The following ADAMTSL1 variants were observed in gnomAD, a reference collection of about 807,000 sequenced individuals.
ADAMTSL1 encodes the protein ADAMTS-like protein 1.
In ADAMTSL1, 126 loss-of-function variants were observed where a neutral mutation model predicts 201.8. That is an observed-to-expected ratio of 0.62 (90% CI 0.54 to 0.72). The LOEUF (loss-of-function observed/expected upper bound fraction) is 0.72, where lower values mean the gene tolerates loss of function less well. Among genes scored for constraint, ADAMTSL1 ranks in the 30% least tolerant of loss-of-function variants. The probability of loss-of-function intolerance (pLI) is 0.00; values close to 1 mark genes in which losing one functional copy is unlikely to be tolerated. For missense variants in ADAMTSL1, 2,679 were observed against 2,277.8 expected (o/e 1.18, Z -3.59); for synonymous variants, 1,121 against 903.4 (o/e 1.24, Z -4.32).
chr9:17,939,232 A>G (rs896900590), intron 1 of ADAMTSL1, among the ~76,000 whole-genome samples: 1 of 151,918 alleles, frequency 6.6e-6, no homozygotes, highest in Admixed American at 6.6e-5. Flanking sequence ...TTTCTCTTGT[A>G]AACTATTTCT....
At chr9:18,844,713 T>G (rs1825976664) in intron 23 of ADAMTSL1, among the ~76,000 whole-genome samples, 1 of 152,246 alleles carries the variant, frequency 6.6e-6, no homozygotes, top group African/African-American at 2.4e-5. Flanking sequence ...TCCTGGCTGC[T>G]TTGTTTACCT....
chr9:18,408,820 CA>C (rs753819406), intron 2 of ADAMTSL1, among the ~76,000 whole-genome samples: 1 of 152,046 alleles, frequency 6.6e-6, no homozygotes, highest in African/African-American at 2.4e-5. Flanking sequence ...TAAGAGAAAA[CA>C]AGGAGTTGGA....
At chr9:18,759,159 C>A (rs1450316578) in intron 16 of ADAMTSL1, among the ~76,000 whole-genome samples, 1 of 152,142 alleles carries the variant, frequency 6.6e-6, no homozygotes, top group Non-Finnish European at 1.5e-5. Context: ...AAACAATTGC[C>A]ACAATCTCTG....
intron 2 of ADAMTSL1, among the ~76,000 whole-genome samples, chr9:18,511,599 A>C (rs1334035690): frequency 6.6e-6 from 1 of 152,134 alleles, no homozygotes; most frequent in Non-Finnish European, 1.5e-5. Flanking sequence ...AAGTAAAATA[A>C]ATAGCCCCAA....
upstream of ADAMTSL1, among the ~76,000 whole-genome samples, chr9:18,471,129 A>T (rs536022572): frequency 5.3e-5 from 8 of 152,322 alleles, no homozygotes; most frequent in Non-Finnish European, 8.8e-5. Context: ...GACACATAGA[A>T]GCTGGAGGCT....
intron 2 of ADAMTSL1, among the ~76,000 whole-genome samples, chr9:18,168,349 G>C (rs1241212936): frequency 2.6e-5 from 4 of 152,062 alleles, no homozygotes; most frequent in East Asian, 3.9e-4. Flanking sequence ...TTGCTAAATT[G>C]CCACCTATGA....
intron 2 of ADAMTSL1, among the ~76,000 whole-genome samples, chr9:18,331,262 T>C (rs1835016801): frequency 6.6e-6 from 1 of 152,176 alleles, no homozygotes; most frequent in African/African-American, 2.4e-5. Context: ...AGAAAGGTCT[T>C]TGATGCTATG....
intron 14 of ADAMTSL1, chr9:18,718,453 T>G: frequency 1.6e-6 from 1 of 611,872 alleles, no homozygotes; most frequent in South Asian, 1.4e-5. Context: ...CAAAAATTCC[T>G]TGAACAAATT....
chr9:18,468,490 T>A (rs1490432225), intron 2 of ADAMTSL1, among the ~76,000 whole-genome samples: 1 of 152,138 alleles, frequency 6.6e-6, no homozygotes, highest in Non-Finnish European at 1.5e-5. Flanking sequence ...TATTATCTCC[T>A]ACTTGTATCA....
At chr9:18,652,050 A>T (rs1828308241) in intron 7 of ADAMTSL1, among the ~76,000 whole-genome samples, 2 of 152,120 alleles carry the variant, frequency 1.3e-5, no homozygotes, top group Admixed American at 1.3e-4. Flanking sequence ...TGAAATAGTG[A>T]TACATATCAT....
intron 2 of ADAMTSL1, among the ~76,000 whole-genome samples, chr9:18,347,509 A>C (rs1835778488): frequency 6.6e-6 from 1 of 152,178 alleles, no homozygotes; most frequent in Admixed American, 6.5e-5. Context: ...CATAGGAGCA[A>C]AACCTCTTCA....
chr9:18,167,044 C>A (rs754291366), intron 2 of ADAMTSL1, among the ~76,000 whole-genome samples: 2 of 151,926 alleles, frequency 1.3e-5, no homozygotes, highest in Non-Finnish European at 2.9e-5. Flanking sequence ...GAAGCCACAG[C>A]AGTCAACTAA....
intron 23 of ADAMTSL1, among the ~76,000 whole-genome samples, chr9:18,857,252 C>T (rs905480120): frequency 6.6e-6 from 1 of 152,196 alleles, no homozygotes; most frequent in Non-Finnish European, 1.5e-5. Flanking sequence ...CCTCATTGCC[C>T]AGTGCATATT....
chr9:17,946,449 C>A (rs928103401), intron 1 of ADAMTSL1, among the ~76,000 whole-genome samples: 2 of 152,072 alleles, frequency 1.3e-5, no homozygotes, highest in Admixed American at 6.6e-5. Context: ...AACTTACCAT[C>A]TTTGGTTCTC....
chr9:18,499,544 T>C (rs755111709), intron 1 of ADAMTSL1, among the ~76,000 whole-genome samples: 1 of 152,216 alleles, frequency 6.6e-6, no homozygotes, highest in Non-Finnish European at 1.5e-5. Flanking sequence ...TTGCTCCACT[T>C]CGCATGGGCA....
chr9:18,573,998 C>T (rs1471638811), intron 3 of ADAMTSL1, 32 bp from the exon 4 acceptor site: 5 of 1,587,400 alleles, frequency 3.1e-6, no homozygotes, highest in Middle Eastern at 1.7e-4. Flanking sequence ...TCCTCCTAAC[C>T]TTTGTATGTC....
chr9:18,490,353 G>A (rs1822207914), intron 1 of ADAMTSL1, among the ~76,000 whole-genome samples: 1 of 152,050 alleles, frequency 6.6e-6, no homozygotes, highest in South Asian at 2.1e-4. Flanking sequence ...GTAGGTGAAG[G>A]GGATGAGGAG....
intron 9 of ADAMTSL1, among the ~76,000 whole-genome samples, chr9:18,664,133 A>G (rs1383383421): frequency 6.6e-6 from 1 of 152,118 alleles, no homozygotes; most frequent in Non-Finnish European, 1.5e-5. Context: ...TGAGAAAATT[A>G]AGACTTAGCA....
At chr9:18,361,518 C>G (rs1016841639) in intron 2 of ADAMTSL1, among the ~76,000 whole-genome samples, 2 of 152,112 alleles carry the variant, frequency 1.3e-5, no homozygotes, top group African/African-American at 4.8e-5. Flanking sequence ...ATTTAAATGA[C>G]TTTGAACTTA....
Sources: gnomAD v4.1 joint callset for allele counts (sites outside exome capture counted in the v4.1 genomes callset) on GRCh38, gnomAD v4.1.1 for gene constraint, MANE v1.5 for transcripts, NCBI Gene and HGNC (gene_info 2026-07-23, HGNC 2026-07-21) for gene names.